Variants in VWA2 observed in about 807,000 individuals in gnomAD.
VWA2 encodes von Willebrand factor A domain-containing protein 2.
In VWA2, 73 loss-of-function variants were observed where a neutral mutation model predicts 70.4. That is an observed-to-expected ratio of 1.04 (90% CI 0.86 to 1.26). The LOEUF is 1.26. VWA2 is among the 50% of genes most tolerant of loss of function. The pLI is 0.00. For synonymous variants in VWA2, 407 were observed against 423.3 expected, an observed-to-expected ratio of 0.96 and a Z score of 0.47; for missense variants, 1,011 against 998.5, an observed-to-expected ratio of 1.01 and a Z score of -0.17.
Position 114,284,953 on chromosome 10 carries a change from G to C in VWA2, c.980G>C (p.Gly327Ala), listed in dbSNP as rs919356036. 2 of 1,602,016 alleles carry C rather than the reference G, an allele frequency of 1.2e-6. No homozygotes were observed. Among genetic ancestry groups the C allele is most frequent in the African/African-American group, 2.7e-5 (2 of 74,224 alleles). Residue 327 changes from glycine to alanine, a missense_variant, in exon 10 of 14, where the codon GGA (glycine) becomes GCA (alanine). Physicochemically the swap from Gly to Ala is moderately conservative, Grantham distance 60 (BLOSUM62 0). Coordinates refer to ENST00000392982, the MANE Select transcript of VWA2 (RefSeq NM_001272046.2). ...GYQCLCPLAF[G>A]GEANCALKLS... ...CAGTGCCTCTGCCCGCTGGCCTTTGGAGGGGAGGCTAACTGTGGTAGGTAT... is the reference window on the plus strand; with the variant it reads ...CAGTGCCTCTGCCCGCTGGCCTTTGCAGGGGAGGCTAACTGTGGTAGGTAT...
intron 3 of VWA2, among the ~76,000 whole-genome samples, chr10:114,254,212 T>C (rs550608809): frequency 4.6e-5 from 7 of 151,920 alleles, no homozygotes; most frequent in South Asian, 4.2e-4. Flanking sequence ...GCTGGGACCA[T>C]AGGCATGCAT....
chr10:114,239,771 G>A (rs1376321047), intron 1 of VWA2, among the ~76,000 whole-genome samples: 1 of 152,220 alleles, frequency 6.6e-6, no homozygotes, highest in African/African-American at 2.4e-5. Context: ...CTGGCACGGC[G>A]GCGTCGGGGG....
rs751501794 is a variant in VWA2 at position 114,291,629 on chromosome 10, G to C, written c.*392G>C. 4.1e-5 allele frequency: 8 copies of C among 195,068 alleles called. No homozygotes were observed. The highest frequency in any genetic ancestry group is 6.4e-5 in the Non-Finnish European group (6 of 94,438). 12.1% of individuals were successfully genotyped at this position (195,068 alleles called of 1,614,324 possible). A position where few individuals can be genotyped will look rare whatever the true frequency, so the allele number is the denominator to read the frequency against. On this transcript the variant is annotated 3_prime_UTR_variant, in exon 14 of 14. Transcript: ENST00000392982. ...GTTCCTTTGCACACAATCAATGCTCGCCAGAATGTTGTTGACACAGTAATG... is the reference window on the plus strand; with the variant it reads ...GTTCCTTTGCACACAATCAATGCTCCCCAGAATGTTGTTGACACAGTAATG...
At position 114,294,468 on chromosome 10, in the gene VWA2, A is replaced by G. The variant is rs2133804809; in HGVS notation, c.*3231A>G. ...CGATTTTGATTTTGTCATTTTTAAAATAAACACATTTATGCTATAAACTTC... is the reference window on the plus strand; with the variant it reads ...CGATTTTGATTTTGTCATTTTTAAAGTAAACACATTTATGCTATAAACTTC... On this transcript the variant is annotated 3_prime_UTR_variant, in exon 14 of 14. Coordinates refer to ENST00000392982, the MANE Select transcript of VWA2 (RefSeq NM_001272046.2). 6.6e-6 allele frequency among the ~76,000 whole-genome samples: 1 copy of G among 152,334 alleles called. No homozygotes were observed. Among genetic ancestry groups the G allele is most frequent in the South Asian group, 2.1e-4 (1 of 4,822 alleles).
intron 1 of VWA2, among the ~76,000 whole-genome samples, chr10:114,243,621 G>A (rs1289798896): frequency 6.6e-6 from 1 of 152,000 alleles, no homozygotes; most frequent in Non-Finnish European, 1.5e-5. Context: ...ATTGCATTTT[G>A]TAAGGAGGTA....
chr10:114,275,560 A>T (rs1160197825), intron 6 of VWA2, among the ~76,000 whole-genome samples: 2 of 80,440 alleles, frequency 2.5e-5, no homozygotes, highest in African/African-American at 2.8e-4. Context: ...GTGCCTCTCA[A>T]ACTGGACCAG....
In VWA2 at chr10:114,289,078, G is replaced by A. The variant is rs568092737; in HGVS notation, c.1711G>A (p.Gly571Ser). Residue 571 changes from glycine (G) to serine (S), a missense_variant, in exon 12 of 14, where the codon GGC (glycine) becomes AGC (serine). Transcript: ENST00000392982. ...FEVNPDVTQV[G>S]LVVYGSQVQT... The stretch of plus-strand genomic sequence containing the variant: ...GGTGAACCCTGACGTGACACAGGTC[G>A]GCCTGGTGGTGTATGGCAGCCAGGT... 4.0e-5 allele frequency: 64 copies of A among 1,614,174 alleles called. No homozygotes were observed. The highest frequency in any genetic ancestry group is 1.3e-4 in the African/African-American group (10 of 75,052).
intron 3 of VWA2, among the ~76,000 whole-genome samples, chr10:114,254,542 T>C (rs1408093310): frequency 6.6e-6 from 1 of 152,138 alleles, no homozygotes; most frequent in African/African-American, 2.4e-5. Context: ...ACTGAACTCT[T>C]GGGTAACATG....
chr10:114,272,706 C>T, intron 5 of VWA2, 34 bp from the exon 6 acceptor site: 1 of 1,521,424 alleles, frequency 6.6e-7, no homozygotes, highest in East Asian at 2.4e-5. Flanking sequence ...ACATCATTCA[C>T]TTTTCTTTCT....
At position 114,291,470 on chromosome 10, in the gene VWA2, T is replaced by C. The variant is rs2039593015; in HGVS notation, c.*233T>C. 1 of 536,342 alleles carries C rather than the reference T, an allele frequency of 1.9e-6. No individual in the cohort carries two copies. The highest frequency in any genetic ancestry group is 3.7e-5 in the Admixed American group (1 of 27,150). 33.2% of individuals were successfully genotyped at this position (536,342 alleles called of 1,614,324 possible). A position where few individuals can be genotyped will look rare whatever the true frequency, so the allele number is the denominator to read the frequency against. On this transcript the variant is annotated 3_prime_UTR_variant, in exon 14 of 14. Coordinates refer to ENST00000392982, the MANE Select transcript of VWA2 (RefSeq NM_001272046.2). ...CAGCTGATGTCACCCACAAACGATG[T>C]TGTTGAAAAGTTTTGATGTGTAAGT...
intron 5 of VWA2, among the ~76,000 whole-genome samples, chr10:114,269,216 A>C (rs773086794): frequency 1.1e-4 from 17 of 152,172 alleles, no homozygotes; most frequent in South Asian, 2.1e-4. Context: ...CTGGGCTCTC[A>C]TGTCCCTGAA....
intron 5 of VWA2, among the ~76,000 whole-genome samples, chr10:114,263,328 A>ATTTTTTT (rs35723083): frequency 3.2e-4 from 24 of 76,130 alleles, no homozygotes; most frequent in Admixed American, 3.9e-4. Context: ...AATCTCCCCC[A>ATTTTTTT]TTTTTTTTTT....
intron 7 of VWA2, 42 bp from the exon 8 acceptor site, chr10:114,278,676 AC>A: frequency 6.2e-7 from 1 of 1,607,298 alleles, no homozygotes. Flanking sequence ...AGGAGGTGGA[AC>A]CCTGTCTCCT....
chr10:114,241,943 TTG>T (rs1422129312), intron 1 of VWA2, among the ~76,000 whole-genome samples: 2 of 131,246 alleles, frequency 1.5e-5, no homozygotes, highest in Non-Finnish European at 1.6e-5. Context: ...CTGTTGGTGA[TTG>T]TGTGTGTGCA....
At chr10:114,267,680 G>A (rs996005129) in intron 5 of VWA2, among the ~76,000 whole-genome samples, 3 of 151,536 alleles carry the variant, frequency 2.0e-5, no homozygotes, top group African/African-American at 7.3e-5. Context: ...GACCTCAGGT[G>A]ATCCACCCAC....
intron 8 of VWA2, 88 bp from the exon 9 acceptor site, chr10:114,282,428 C>G: frequency 9.5e-7 from 1 of 1,051,298 alleles, no homozygotes. Context: ...AATCTTCTAT[C>G]AGCTTTTGGT....
At chr10:114,288,788 TG>T in intron 11 of VWA2, 149 bp from the exon 12 acceptor site, 1 of 743,568 alleles carries the variant, frequency 1.3e-6, no homozygotes, top group Non-Finnish European at 2.2e-6. Context: ...TGCTGTTCTG[TG>T]GCTAAAAGGA....
chr10:114,266,020 G>C (rs991738547), intron 5 of VWA2, among the ~76,000 whole-genome samples: 2 of 152,074 alleles, frequency 1.3e-5, no homozygotes, highest in Non-Finnish European at 2.9e-5. Flanking sequence ...ACTTTTGGCC[G>C]GGCGCGGTGG....
intron 8 of VWA2, among the ~76,000 whole-genome samples, chr10:114,279,874 G>A (rs1296781157): frequency 5.3e-5 from 8 of 152,320 alleles, no homozygotes; most frequent in Admixed American, 4.6e-4. Context: ...GTCCTCTCTG[G>A]GATGTCACAG....
Sources: allele counts gnomAD v4.1 joint callset (sites outside exome capture counted in the v4.1 genomes callset), GRCh38; gene constraint gnomAD v4.1.1; transcripts MANE v1.5; gene names NCBI Gene and HGNC (gene_info 2026-07-23, HGNC 2026-07-21).